The following SIPA1L1 variants were observed in gnomAD, a reference collection of about 807,000 sequenced individuals.
SIPA1L1 encodes the protein signal induced proliferation associated 1 like 1, also known as signal-induced proliferation-associated 1-like protein 1.
In SIPA1L1, 26 loss-of-function variants were observed where a neutral mutation model predicts 162.7. The observed-to-expected ratio is 0.16, with a 90% confidence interval of 0.12 to 0.22. The LOEUF (loss-of-function observed/expected upper bound fraction) is 0.22. Ranked by LOEUF, SIPA1L1 falls within the 10% of genes least tolerant of loss-of-function variation. The pLI, the probability that SIPA1L1 is intolerant of heterozygous loss-of-function variation, is 1.00. For synonymous variants in SIPA1L1, 829 were observed against 837.4 expected (o/e 0.99, Z 0.17); for missense variants, 1,874 against 2,241.0 (o/e 0.84, Z 3.31).
At chr14:71,515,082 T>G (rs1035571192) in intron 3 of SIPA1L1, among the ~76,000 whole-genome samples, 13 of 152,248 alleles carry the variant, frequency 8.5e-5, no homozygotes, top group African/African-American at 2.7e-4. Context: ...GATTTGAGCC[T>G]CTTTCCTTCA....
chr14:71,705,666 G>A (rs2082384318), intron 16 of SIPA1L1, among the ~76,000 whole-genome samples: 1 of 151,832 alleles, frequency 6.6e-6, no homozygotes, highest in African/African-American at 2.4e-5. Context: ...CATGAGATGT[G>A]GTTGGAGCGT....
intron 4 of SIPA1L1, among the ~76,000 whole-genome samples, chr14:71,537,523 C>G (rs143175290): frequency 7.2e-5 from 11 of 152,140 alleles, no homozygotes; most frequent in Admixed American, 2.6e-4. Flanking sequence ...TACTTCTACA[C>G]GAAGACAGAC....
chr14:71,660,146 T>A (rs150648738), intron 9 of SIPA1L1, among the ~76,000 whole-genome samples: 774 of 152,314 alleles, frequency 5.1e-3, no homozygotes, highest in Middle Eastern at 0.027. Flanking sequence ...TATGCAGGAA[T>A]GGCATAACAT....
intron 4 of SIPA1L1, among the ~76,000 whole-genome samples, chr14:71,565,337 CTT>C (rs1019031639): frequency 3.9e-5 from 6 of 152,210 alleles, no homozygotes; most frequent in African/African-American, 1.4e-4. Context: ...TTACAGGAGA[CTT>C]TTTTGAAGTT....
intron 15 of SIPA1L1, among the ~76,000 whole-genome samples, chr14:71,703,488 T>G (rs115209482): frequency 6.6e-6 from 1 of 152,206 alleles, no homozygotes; most frequent in African/African-American, 2.4e-5. Context: ...TCTGAAGATA[T>G]GCTTTGTTCC....
At chr14:71,564,298 T>C (rs969216665) in intron 4 of SIPA1L1, among the ~76,000 whole-genome samples, 3 of 151,948 alleles carry the variant, frequency 2.0e-5, no homozygotes, top group African/African-American at 7.2e-5. Context: ...AGTTATACTC[T>C]CTATACTTTT....
intron 3 of SIPA1L1, among the ~76,000 whole-genome samples, chr14:71,519,583 G>A (rs2052091052): frequency 6.6e-6 from 1 of 152,094 alleles, no homozygotes; most frequent in Non-Finnish European, 1.5e-5. Flanking sequence ...CCAGCTACTT[G>A]GGAGGCTAAG....
intron 2 of SIPA1L1, among the ~76,000 whole-genome samples, chr14:71,389,361 T>C (rs1387854257): frequency 6.6e-6 from 1 of 152,242 alleles, no homozygotes; most frequent in Non-Finnish European, 1.5e-5. Context: ...AACTGTGCAT[T>C]CCTTCATAGT....
At chr14:71,657,196 A>C (rs1015771258) in intron 8 of SIPA1L1, among the ~76,000 whole-genome samples, 1 of 151,980 alleles carries the variant, frequency 6.6e-6, no homozygotes, top group Non-Finnish European at 1.5e-5. Flanking sequence ...AAAACTACAA[A>C]AATTAGCCAG....
chr14:71,631,768 G>A (rs2040595913), intron 7 of SIPA1L1, among the ~76,000 whole-genome samples: 2 of 152,026 alleles, frequency 1.3e-5, no homozygotes, highest in African/African-American at 4.8e-5. Flanking sequence ...TAAAACAGTT[G>A]GATTTTTGTT....
chr14:71,347,915 G>A (rs2036323928), intron 2 of SIPA1L1, among the ~76,000 whole-genome samples: 1 of 152,042 alleles, frequency 6.6e-6, no homozygotes, highest in Non-Finnish European at 1.5e-5. Flanking sequence ...TTTGCAAAAT[G>A]TTTCACTCTG....
Position 71,666,892 on chromosome 14 carries a change from A to G in SIPA1L1, c.2256-4227A>G, listed in dbSNP as rs569474878. The stretch of plus-strand genomic sequence containing the variant: ...GTAAAAAAAAAAAAAAAAAAAAAAG[A>G]ATTTGCAAGCTTCAGCTGAGAAGAA... On this transcript the variant is annotated intron_variant, in intron 10 of 23. Transcript: ENST00000381232. 9.3e-5 allele frequency among the ~76,000 whole-genome samples: 14 copies of G among 150,008 alleles called. 1 individual carries two copies. The South Asian group carries it at 2.9e-3, about 31-fold the overall frequency.
At chr14:71,537,391 G>A (rs1482124976) in intron 4 of SIPA1L1, among the ~76,000 whole-genome samples, 1 of 151,874 alleles carries the variant, frequency 6.6e-6, no homozygotes, top group African/African-American at 2.4e-5. Flanking sequence ...TTTTAGTAGG[G>A]ACAGGGTTTC....
rs772212904 is a variant in SIPA1L1 at position 71,723,664 on chromosome 14, A to G, written c.4226A>G (p.His1409Arg). 194 of 1,613,948 alleles carry G rather than the reference A, an allele frequency of 1.2e-4. 1 individual carries two copies. The highest frequency in any genetic ancestry group is 6.0e-4 in the South Asian group (55 of 91,082). ...ASHTSTMSSR[H>R]SASPVVFTSA... ...CTCCTCAGTACCATGAGCTCCCGAC[A>G]CTCTGCCAGCCCAGTGGTTTTCACC... The change falls in exon 18 of 24, where the codon CAC becomes CGC. Residue 1409 changes from histidine (H) to arginine (R), a missense_variant. His to Arg is a conservative substitution (Grantham distance 29). Transcript: ENST00000381232.
At chr14:71,431,782 G>T (rs530301191) in intron 2 of SIPA1L1, among the ~76,000 whole-genome samples, 49 of 152,272 alleles carry the variant, frequency 3.2e-4, no homozygotes, top group African/African-American at 1.2e-3. Flanking sequence ...AAGGGCCAAG[G>T]GAGGGCTCCT....
intron 7 of SIPA1L1, among the ~76,000 whole-genome samples, chr14:71,636,990 G>T (rs550757165): frequency 6.6e-6 from 1 of 150,492 alleles, no homozygotes; most frequent in African/African-American, 2.5e-5. Flanking sequence ...GGCAGGGGTC[G>T]CAGTGAGCTG....
At chr14:71,584,276 T>G (rs1444546157) in intron 4 of SIPA1L1, among the ~76,000 whole-genome samples, 1 of 152,160 alleles carries the variant, frequency 6.6e-6, no homozygotes, top group East Asian at 1.9e-4. Context: ...AGAGCCAGAA[T>G]GACAAGGGAT....
chr14:71,567,969 A>T (rs2031084248), intron 4 of SIPA1L1, among the ~76,000 whole-genome samples: 1 of 152,240 alleles, frequency 6.6e-6, no homozygotes, highest in African/African-American at 2.4e-5. Context: ...GTCTTTTAGC[A>T]TGCTAATGTA....
intron 15 of SIPA1L1, chr14:71,704,877 C>A: frequency 1.2e-6 from 1 of 800,818 alleles, no homozygotes; most frequent in Non-Finnish European, 2.1e-6. Flanking sequence ...CCACACTTGG[C>A]AATGAATGAA....
Sources: gnomAD v4.1 joint callset for allele counts (sites outside exome capture counted in the v4.1 genomes callset) on GRCh38, gnomAD v4.1.1 for gene constraint, MANE v1.5 for transcripts, NCBI Gene and HGNC (gene_info 2026-07-23, HGNC 2026-07-21) for gene names.